The following FGF12 variants were observed in gnomAD, a reference collection of about 807,000 sequenced individuals.
The protein encoded by FGF12 is fibroblast growth factor 12.
Under a neutral mutation model 23.6 loss-of-function variants are expected in FGF12, and 14 were observed. The ratio of observed to expected loss-of-function variants is 0.59; its 90% CI spans 0.39 to 0.93. FGF12 has a LOEUF of 0.93. Ranked by LOEUF, FGF12 falls within the 40% of genes least tolerant of loss-of-function variation. The pLI, the probability that FGF12 is intolerant of heterozygous loss-of-function variation, is 0.00. For missense variants in FGF12, 175 were observed against 217.8 expected (o/e 0.80, Z 1.24); for synonymous variants, 62 against 77.3 (o/e 0.80, Z 1.04).
intron 2 of FGF12, among the ~76,000 whole-genome samples, chr3:192,390,420 T>C (rs1720242296): frequency 6.6e-6 from 1 of 152,156 alleles, no homozygotes; most frequent in African/African-American, 2.4e-5. Flanking sequence ...CTGGGAACCT[T>C]TGCAAAGGTT....
At chr3:192,686,294 A>G (rs1717728990) in intron 2 of FGF12, among the ~76,000 whole-genome samples, 1 of 152,192 alleles carries the variant, frequency 6.6e-6, no homozygotes, top group Admixed American at 6.5e-5. Context: ...AGAGAGAAAG[A>G]CAGGCACAGA....
intron 4 of FGF12, among the ~76,000 whole-genome samples, chr3:192,233,122 T>A (rs1385692548): frequency 6.6e-6 from 1 of 152,188 alleles, no homozygotes; most frequent in East Asian, 1.9e-4. Flanking sequence ...CTTTGAGAAA[T>A]CTCTGGGCTG....
chr3:192,279,530 C>G (rs1344307899), intron 4 of FGF12, among the ~76,000 whole-genome samples: 1 of 151,998 alleles, frequency 6.6e-6, no homozygotes, highest in Non-Finnish European at 1.5e-5. Flanking sequence ...AAGTTCACAG[C>G]CAGCAAGTGA....
chr3:192,491,256 A>T (rs1461698768), intron 2 of FGF12, among the ~76,000 whole-genome samples: 1 of 152,112 alleles, frequency 6.6e-6, no homozygotes, highest in African/African-American at 2.4e-5. Context: ...TCTTCTCCCC[A>T]TAAGACCATG....
intron 2 of FGF12, among the ~76,000 whole-genome samples, chr3:192,561,637 C>T (rs1198822241): frequency 6.6e-5 from 10 of 152,216 alleles, no homozygotes; most frequent in East Asian, 1.9e-4. Flanking sequence ...GCTGGGATTA[C>T]AGGCGTGAGC....
At chr3:192,711,936 C>T (rs6796321) in intron 2 of FGF12, among the ~76,000 whole-genome samples, 7,652 of 101,100 alleles carry the variant, frequency 0.076, 385 homozygotes, top group East Asian at 0.22. Context: ...CACCCAAGAA[C>T]GATCAAAAAA....
At chr3:192,547,676 C>G (rs1255420195) in intron 2 of FGF12, among the ~76,000 whole-genome samples, 2 of 152,196 alleles carry the variant, frequency 1.3e-5, no homozygotes, top group Non-Finnish European at 2.9e-5. Context: ...CCAAAACCAA[C>G]AGGAAGCGTT....
At position 192,365,838 on chromosome 3, in the gene FGF12, G is replaced by A. The variant is rs950871067; in HGVS notation, c.14-5300C>T. Among the ~76,000 whole-genome samples the A allele has an allele frequency of 7.2e-5, 11 of 152,008 alleles. No individual in the cohort carries two copies. In the East Asian group the frequency reaches 1.4e-3, roughly 19 times the overall value. ...TCTAGTGCTATGAAGTATTTCCTAG[G>A]TACACGATGGAAACCCAGAACAGAG... On this transcript the variant is annotated intron_variant, in intron 2 of 5. Transcript: ENST00000445105.
At chr3:192,328,088 G>A (rs565148560) in intron 4 of FGF12, among the ~76,000 whole-genome samples, 13 of 152,164 alleles carry the variant, frequency 8.5e-5, no homozygotes, top group South Asian at 4.2e-4. Context: ...GAAAATAGAC[G>A]GTAGTCAGAT....
chr3:192,642,793 C>T (rs1419603021), intron 2 of FGF12, among the ~76,000 whole-genome samples: 1 of 152,144 alleles, frequency 6.6e-6, no homozygotes, highest in Non-Finnish European at 1.5e-5. Context: ...TTTGATGGGC[C>T]ATTTACTTGT....
intron 4 of FGF12, among the ~76,000 whole-genome samples, chr3:192,188,936 A>T (rs948055622): frequency 2.0e-5 from 3 of 152,228 alleles, no homozygotes; most frequent in Non-Finnish European, 2.9e-5. Flanking sequence ...ATTTCTTATG[A>T]AAAAGTCTGA....
At chr3:192,305,679 A>AAAAATATATATATATATAT (rs1423738741) in intron 4 of FGF12, among the ~76,000 whole-genome samples, 137 of 131,868 alleles carry the variant, frequency 1.0e-3, no homozygotes, top group South Asian at 5.3e-3. Flanking sequence ...AAAAAAAAAA[A>AAAAATATATATATATATAT]ATATATATAT....
rs962880000 is a variant in FGF12, at chr3:192,389,073, T to G, written c.14-28535A>C. Among the ~76,000 whole-genome samples the G allele has an allele frequency of 5.9e-5, 9 of 152,230 alleles. No individual in the cohort carries two copies. The East Asian group carries it at 1.7e-3, about 29-fold the overall frequency. ...ACCAATGTGAAAAGACTTAAATTAATACATGGCCGGGCGCGGTGGCTCACG... is the reference window on the plus strand; with the variant it reads ...ACCAATGTGAAAAGACTTAAATTAAGACATGGCCGGGCGCGGTGGCTCACG... On this transcript the variant is annotated intron_variant, in intron 2 of 5. Transcript: ENST00000445105.
chr3:192,270,520 G>T (rs1319606505), intron 4 of FGF12, among the ~76,000 whole-genome samples: 1 of 152,086 alleles, frequency 6.6e-6, no homozygotes, highest in Non-Finnish European at 1.5e-5. Flanking sequence ...GAAGGGTACT[G>T]GGGAGAAATA....
chr3:192,172,394 C>A (rs542265727), intron 4 of FGF12, among the ~76,000 whole-genome samples: 2 of 139,268 alleles, frequency 1.4e-5, no homozygotes, highest in African/African-American at 6.4e-5. Flanking sequence ...CTCAACCCCC[C>A]CTTCAAAAAA....
At chr3:192,222,163 C>T (rs1258789178) in intron 4 of FGF12, among the ~76,000 whole-genome samples, 1 of 151,978 alleles carries the variant, frequency 6.6e-6, no homozygotes, top group African/African-American at 2.4e-5. Context: ...CCTGATAAGG[C>T]CATGAACATG....
intron 5 of FGF12, among the ~76,000 whole-genome samples, chr3:192,161,141 A>G (rs1475849651): frequency 6.6e-6 from 1 of 152,054 alleles, no homozygotes; most frequent in African/African-American, 2.4e-5. Context: ...ATTGCATCAG[A>G]CAGTTCCCTA....
intron 5 of FGF12, among the ~76,000 whole-genome samples, chr3:192,167,731 G>GTGTATATATATATATATA (rs1461525196): frequency 3.6e-4 from 9 of 25,044 alleles, no homozygotes; most frequent in African/African-American, 1.0e-3. Flanking sequence ...TAGGTTATAG[G>GTGTATATATATATATATA]TATATATATA....
At chr3:192,423,071 A>G (rs1182871841) in intron 2 of FGF12, among the ~76,000 whole-genome samples, 1 of 152,138 alleles carries the variant, frequency 6.6e-6, no homozygotes, top group African/African-American at 2.4e-5. Flanking sequence ...TTATAATCCT[A>G]ACTGAGCCCT....
Sources: allele counts gnomAD v4.1 joint callset (sites outside exome capture counted in the v4.1 genomes callset), GRCh38; gene constraint gnomAD v4.1.1; transcripts MANE v1.5; gene names NCBI Gene and HGNC (gene_info 2026-07-23, HGNC 2026-07-21).